The following NUP210 variants were observed in gnomAD, a reference collection of about 807,000 sequenced individuals.
NUP210 encodes the protein nucleoporin 210, also known as nuclear pore membrane glycoprotein 210.
In NUP210, 151 loss-of-function variants were observed where a neutral mutation model predicts 196.0. That is an observed-to-expected ratio of 0.77 (90% CI 0.67 to 0.88). NUP210 has a LOEUF of 0.88. NUP210 is among the 40% of genes least tolerant of loss of function. The pLI is 0.00. For synonymous variants in NUP210, 1,070 were observed against 1,052.7 expected, an observed-to-expected ratio of 1.02 and a Z score of -0.32; for missense variants, 2,314 against 2,493.7, an observed-to-expected ratio of 0.93 and a Z score of 1.53.
intron 20 of NUP210, among the ~76,000 whole-genome samples, chr3:13,351,014 A>C (rs1239849290): frequency 6.6e-6 from 1 of 152,206 alleles, no homozygotes; most frequent in Non-Finnish European, 1.5e-5. Context: ...TCTTAAATTG[A>C]AAAGTATAAC....
chr3:13,336,078 A>G (rs983262212), intron 27 of NUP210, among the ~76,000 whole-genome samples: 1 of 152,232 alleles, frequency 6.6e-6, no homozygotes, highest in Non-Finnish European at 1.5e-5. Context: ...CTCTGTTCCC[A>G]CTGGGTGGGG....
In NUP210 at chr3:13,325,950, T is replaced by C; in HGVS notation, c.4508-19A>G. 2 of 1,612,908 alleles carry C rather than the reference T, an allele frequency of 1.2e-6. No individual in the cohort carries two copies. Among genetic ancestry groups the C allele is most frequent in the Non-Finnish European group, 1.7e-6 (2 of 1,179,694 alleles). On this transcript the variant is annotated intron_variant, in intron 32 of 39. Transcript: ENST00000254508. The stretch of plus-strand genomic sequence containing the variant: ...GAGAGGCCTGGAGAGGAAGCACAGG[T>C]GTCAGCCCCCTTTCCATAGCTGGAC...
At chr3:13,358,175 C>A (rs748077202) in intron 16 of NUP210, 47 bp downstream of exon 16, 2 of 1,548,362 alleles carry the variant, frequency 1.3e-6, no homozygotes, top group South Asian at 1.2e-5. Context: ...TCCTCCTGCC[C>A]AAGCGGGTGG....
chr3:13,407,385 C>A (rs1272625686), intron 1 of NUP210, among the ~76,000 whole-genome samples: 2 of 152,128 alleles, frequency 1.3e-5, no homozygotes, highest in East Asian at 3.9e-4. Flanking sequence ...TTCCCTGAAG[C>A]CTGACCCTAA....
chr3:13,375,918 G>A (rs1698888627), intron 10 of NUP210, among the ~76,000 whole-genome samples: 1 of 152,188 alleles, frequency 6.6e-6, no homozygotes, highest in African/African-American at 2.4e-5. Flanking sequence ...GGGAAACTGA[G>A]GCTTGAGAGC....
rs190026415 is a variant in NUP210 at position 13,406,882 on chromosome 3, C to T, written c.168-7021G>A. ...CGGCACACATGGCAGGTTTCATAGTCGGGAGTGGTGCGTGTGGCTTTCCCA... is the reference window on the plus strand; with the variant it reads ...CGGCACACATGGCAGGTTTCATAGTTGGGAGTGGTGCGTGTGGCTTTCCCA... On this transcript the variant is annotated intron_variant, in intron 1 of 39. Coordinates refer to ENST00000254508, the MANE Select transcript of NUP210 (RefSeq NM_024923.4). Among the ~76,000 whole-genome samples the T allele has an allele frequency of 6.2e-3, 827 of 134,220 alleles. 1 individual carries two copies. The highest frequency in any genetic ancestry group is 0.027 in the Middle Eastern group (7 of 258). The allele number at this position is 134,220 out of a possible 152,430, so 88.1% of individuals were successfully genotyped here.
At chr3:13,381,295 G>T (rs1287250147) in intron 6 of NUP210, among the ~76,000 whole-genome samples, 1 of 152,162 alleles carries the variant, frequency 6.6e-6, no homozygotes, top group African/African-American at 2.4e-5. Flanking sequence ...AAATGAACAT[G>T]CTTACATTGA....
rs1184458512 is a variant in NUP210 at position 13,336,764 on chromosome 3, C to T, written c.3684+23G>A. On this transcript the variant is annotated intron_variant, in intron 27 of 39. Coordinates refer to ENST00000254508, the MANE Select transcript of NUP210 (RefSeq NM_024923.4). ...GCCTGGGACAGGGGTGGGAGGTGAG[C>T]TCTGGAGGGGGTGGTTACCTACCTC... The T allele has an allele frequency of 2.5e-6, 4 of 1,609,868 alleles. No individual in the cohort carries two copies. The Admixed American group carries it at 5.0e-5, about 20-fold the overall frequency.
At chr3:13,341,333 G>A (rs1458198478) in intron 23 of NUP210, among the ~76,000 whole-genome samples, 1 of 152,168 alleles carries the variant, frequency 6.6e-6, no homozygotes, top group Non-Finnish European at 1.5e-5. Context: ...CCTGTGACAG[G>A]TGCCCACTGC....
chr3:13,321,147 G>A (rs941128630), intron 36 of NUP210, among the ~76,000 whole-genome samples: 1 of 152,250 alleles, frequency 6.6e-6, no homozygotes, highest in Non-Finnish European at 1.5e-5. Flanking sequence ...CTGGGCCTGA[G>A]GGATCATTCA....
chr3:13,344,873 A>C, intron 20 of NUP210: 1 of 957,020 alleles, frequency 1.0e-6, no homozygotes, highest in Non-Finnish European at 1.2e-6. Flanking sequence ...GCTGGCTCCA[A>C]GTCATCCTCC....
chr3:13,361,198 C>T (rs1045806627), intron 14 of NUP210, among the ~76,000 whole-genome samples: 5 of 152,218 alleles, frequency 3.3e-5, no homozygotes, highest in African/African-American at 1.2e-4. Flanking sequence ...CACGTATGCA[C>T]GAGCTTCGAG....
At chr3:13,343,018 C>T (rs568405525) in intron 21 of NUP210, among the ~76,000 whole-genome samples, 157 bp downstream of exon 21, 5 of 152,274 alleles carry the variant, frequency 3.3e-5, no homozygotes, top group Admixed American at 1.3e-4. Context: ...CCACATGGAG[C>T]GAAGGAGATG....
In NUP210 at chr3:13,335,565, G is replaced by A. The variant is rs200313065; in HGVS notation, c.3732C>T (p.Leu1244=). The change falls in exon 28 of 40, where the codon CTC becomes CTT. Residue 1244 remains leucine (L), a synonymous_variant. Transcript: ENST00000254508. ...PSQYNFAMNV[L]GRVKGRTGLR... ...GCCCGGTCCGGCCTTTTACCCGGCCGAGCACGTTCATGGCAAAGTTGTACT... is the reference window on the plus strand; with the variant it reads ...GCCCGGTCCGGCCTTTTACCCGGCCAAGCACGTTCATGGCAAAGTTGTACT... The A allele has an allele frequency of 4.0e-4, 644 of 1,613,978 alleles. No homozygotes were observed. The highest frequency in any genetic ancestry group is 9.1e-4 in the East Asian group (41 of 44,898).
Position 13,337,878 on chromosome 3 carries a change from T to G in NUP210, c.3511A>C (p.Arg1171=), listed in dbSNP as rs1697284649. The change falls in exon 26 of 40, where the codon AGG becomes CGG. Residue 1171 remains arginine (R), a synonymous_variant. Transcript: ENST00000254508. ...ATCCGCATGATGGGGGCGCGGATCC[T>G]CACGGCCCTTAGCAGCAGCACCTCC... ...QVEVLLLRAV[R]IRAPIMRMRT... 3 of 1,612,762 alleles carry G rather than the reference T, an allele frequency of 1.9e-6. No individual in the cohort carries two copies. Among genetic ancestry groups the G allele is most frequent in the Non-Finnish European group, 2.5e-6 (3 of 1,179,876 alleles).
In NUP210 at chr3:13,346,533, C is replaced by T. The variant is rs1483220888; in HGVS notation, c.2836-3230G>A. On this transcript the variant is annotated intron_variant, in intron 20 of 39. Coordinates refer to ENST00000254508, the MANE Select transcript of NUP210 (RefSeq NM_024923.4). Reference sequence around the variant, plus strand: ...GAAAGTTCTGTCAAGTCAGAGATGACAAATGTGTCATTGCTCATTAAGATG... The same window carrying T: ...GAAAGTTCTGTCAAGTCAGAGATGATAAATGTGTCATTGCTCATTAAGATG... 3.9e-5 allele frequency among the ~76,000 whole-genome samples: 6 copies of T among 152,216 alleles called. No individual in the cohort carries two copies. In the South Asian group the frequency reaches 1.2e-3, roughly 32 times the overall value.
At chr3:13,333,897 T>C (rs1052894839) in intron 28 of NUP210, among the ~76,000 whole-genome samples, 2 of 152,190 alleles carry the variant, frequency 1.3e-5, no homozygotes, top group African/African-American at 4.8e-5. Flanking sequence ...AGCAACAGCA[T>C]GAGCACCATG....
chr3:13,363,471 C>T (rs1042604932), intron 14 of NUP210, among the ~76,000 whole-genome samples: 1 of 152,230 alleles, frequency 6.6e-6, no homozygotes. Context: ...GAGGAATTAT[C>T]ACCTTCCTGT....
At chr3:13,335,304 C>T (rs1697165654) in intron 28 of NUP210, 150 bp downstream of exon 28, 5 of 880,466 alleles carry the variant, frequency 5.7e-6, no homozygotes, top group East Asian at 2.5e-5. Flanking sequence ...CGGATGTTTA[C>T]CCCACTGCGA....
Sources: gnomAD v4.1 joint callset for allele counts (sites outside exome capture counted in the v4.1 genomes callset) on GRCh38, gnomAD v4.1.1 for gene constraint, MANE v1.5 for transcripts, NCBI Gene and HGNC (gene_info 2026-07-23, HGNC 2026-07-21) for gene names.